The following KLRG1 variants were observed in gnomAD, a reference collection of about 807,000 sequenced individuals.
KLRG1 encodes the protein killer cell lectin like receptor G1, also known as killer cell lectin-like receptor subfamily G member 1.
A neutral mutation model predicts 21.8 loss-of-function variants in KLRG1; 16 were observed. That is an observed-to-expected ratio of 0.73 (90% CI 0.50 to 1.11). The LOEUF is 1.11. Among genes scored for constraint, KLRG1 ranks in the 50% most tolerant of loss-of-function variants. KLRG1 has a pLI of 0.00. For missense variants in KLRG1, 173 were observed against 218.3 expected (o/e 0.79, Z 1.31); for synonymous variants, 69 against 75.9 (o/e 0.91, Z 0.47).
chr12:9,089,810 T>C, the KLRG1 span: 1 of 900,918 alleles, frequency 1.1e-6, no homozygotes, highest in Non-Finnish European at 1.5e-6. Context: ...GAGAGATACA[T>C]GAGAATAATA....
chr12:9,167,308 A>T, the KLRG1 span: 3 of 152,240 alleles, frequency 2.0e-5, no homozygotes, highest in African/African-American at 7.2e-5. Context: ...TTAGTGGACC[A>T]TGGCTATATC....
chr12:9,084,892 A>G, the KLRG1 span, among the ~76,000 whole-genome samples: 6 of 152,106 alleles, frequency 3.9e-5, no homozygotes, highest in African/African-American at 1.4e-4. Context: ...ACTTATATTC[A>G]ACAAAACAGA....
intron 1 of KLRG1, among the ~76,000 whole-genome samples, chr12:8,952,350 C>G (rs912897335): frequency 7.2e-5 from 11 of 152,180 alleles, no homozygotes; most frequent in African/African-American, 2.7e-4. Flanking sequence ...AGCCACCATG[C>G]CCAGCTAATC....
the KLRG1 span, among the ~76,000 whole-genome samples, chr12:9,139,277 G>T: frequency 9.2e-5 from 14 of 151,834 alleles, no homozygotes; most frequent in Non-Finnish European, 2.1e-4. Flanking sequence ...ATTTTGTTGT[G>T]GCCAGAAAGA....
At chr12:8,993,722 A>G (rs993239858) in intron 2 of KLRG1, among the ~76,000 whole-genome samples, 2 of 152,206 alleles carry the variant, frequency 1.3e-5, no homozygotes, top group African/African-American at 2.4e-5. Flanking sequence ...TGTATGGAAA[A>G]AGCAAAATCT....
At chr12:9,031,304 G>C in the KLRG1 span, among the ~76,000 whole-genome samples, 6 of 152,296 alleles carry the variant, frequency 3.9e-5, no homozygotes, top group East Asian at 1.2e-3. Context: ...ATTCCCTTTA[G>C]AATGCATCTC....
chr12:9,113,242 A>G, the KLRG1 span: 63 of 1,031,106 alleles, frequency 6.1e-5, no homozygotes, highest in South Asian at 3.6e-4. Flanking sequence ...AGTTTGCTAC[A>G]TTTGGATTCC....
At chr12:9,194,561 C>T in the KLRG1 span, among the ~76,000 whole-genome samples, 486 of 148,568 alleles carry the variant, frequency 3.3e-3, 1 homozygote, top group Middle Eastern at 0.011. Flanking sequence ...GCCTCCTGGA[C>T]TCACGCCATT....
chr12:8,987,799 T>G (rs1425515069), upstream of KLRG1, among the ~76,000 whole-genome samples: 73 of 152,208 alleles, frequency 4.8e-4, 1 homozygote, highest in Non-Finnish European at 2.9e-5. Flanking sequence ...GTATAATGTT[T>G]TCAAGGTTCA....
At chr12:8,994,702 T>C (rs1947076236) in intron 2 of KLRG1, among the ~76,000 whole-genome samples, 1 of 152,198 alleles carries the variant, frequency 6.6e-6, no homozygotes, top group Non-Finnish European at 1.5e-5. Flanking sequence ...CAATATACAT[T>C]ATGCAATTAT....
chr12:9,202,345 C>T, the KLRG1 span: 1 of 1,614,136 alleles, frequency 6.2e-7, no homozygotes, highest in Non-Finnish European at 8.5e-7. Flanking sequence ...CGAAAATTTT[C>T]ATCCACGGAG....
At chr12:9,005,153 A>G (rs1339986026) in intron 3 of KLRG1, among the ~76,000 whole-genome samples, 1 of 150,992 alleles carries the variant, frequency 6.6e-6, no homozygotes, top group Non-Finnish European at 1.5e-5. Context: ...GAGTTGAACA[A>G]TGAGAACACA....
the KLRG1 span, among the ~76,000 whole-genome samples, chr12:9,177,985 T>C: frequency 6.6e-6 from 1 of 152,356 alleles, no homozygotes; most frequent in Non-Finnish European, 1.5e-5. Flanking sequence ...TGGGTTAACT[T>C]CTTGTTGTTT....
chr12:9,002,092 C>G (rs1339711143), intron 3 of KLRG1, among the ~76,000 whole-genome samples: 1 of 152,102 alleles, frequency 6.6e-6, no homozygotes, highest in Non-Finnish European at 1.5e-5. Context: ...TTTCAATTGT[C>G]ATGAGCTGTG....
At chr12:9,160,138 G>T in the KLRG1 span, 2 of 1,182,108 alleles carry the variant, frequency 1.7e-6, no homozygotes, top group Non-Finnish European at 2.5e-6. Context: ...TCTGTGATCT[G>T]CCATAGTTTT....
chr12:9,086,948 A>C, the KLRG1 span, among the ~76,000 whole-genome samples: 2 of 152,252 alleles, frequency 1.3e-5, no homozygotes. Context: ...GTTGCAAGAT[A>C]CAAAATTAAC....
the KLRG1 span, chr12:9,201,302 A>G: frequency 1.3e-6 from 2 of 1,514,724 alleles, no homozygotes; most frequent in Non-Finnish European, 1.8e-6. Context: ...TAATTTCCTT[A>G]TAAGATACTT....
the KLRG1 span, among the ~76,000 whole-genome samples, chr12:9,024,496 C>A: frequency 6.6e-6 from 1 of 152,016 alleles, no homozygotes; most frequent in Admixed American, 6.6e-5. Flanking sequence ...GTTCTTGGTC[C>A]TGAGGGTTTT....
chr12:9,122,804 A>T, the KLRG1 span, among the ~76,000 whole-genome samples: 29 of 152,258 alleles, frequency 1.9e-4, no homozygotes, highest in African/African-American at 7.0e-4. Flanking sequence ...AGCAAGTTAT[A>T]CATACGTACT....
Sources: allele counts gnomAD v4.1 joint callset (sites outside exome capture counted in the v4.1 genomes callset), GRCh38; gene constraint gnomAD v4.1.1; transcripts MANE v1.5; gene names NCBI Gene and HGNC (gene_info 2026-07-23, HGNC 2026-07-21).